GDNF: variants seen among roughly 807,000 people sequenced by gnomAD.
GDNF encodes the protein glial cell line-derived neurotrophic factor.
GDNF carries 5 observed loss-of-function variants against 13.7 expected under a neutral mutation model. That is an observed-to-expected ratio of 0.36 (90% CI 0.19 to 0.77). GDNF has a LOEUF of 0.77. Ranked by LOEUF, GDNF falls within the 30% of genes least tolerant of loss-of-function variation. The probability of loss-of-function intolerance (pLI) is 0.51; values close to 1 mark genes in which losing one functional copy is unlikely to be tolerated. For synonymous variants in GDNF, 122 were observed against 112.5 expected, an observed-to-expected ratio of 1.08 and a Z score of -0.53; for missense variants, 246 against 274.3, an observed-to-expected ratio of 0.90 and a Z score of 0.73.
At chr5:37,823,134 T>A (rs1750197830) in intron 2 of GDNF, 1 of 152,180 alleles carries the variant, frequency 6.6e-6, no homozygotes, top group South Asian at 2.1e-4. Context: ...GAATACTATC[T>A]CCATTTTACA....
chr5:37,821,147 G>A (rs1362447306), intron 2 of GDNF, among the ~76,000 whole-genome samples: 1 of 152,136 alleles, frequency 6.6e-6, no homozygotes, highest in African/African-American at 2.4e-5. Context: ...AGGATGCTGG[G>A]CAGCCTCACT....
chr5:37,818,264 C>T (rs947766257), intron 2 of GDNF, among the ~76,000 whole-genome samples: 5 of 152,182 alleles, frequency 3.3e-5, no homozygotes, highest in Admixed American at 1.3e-4. Context: ...CTGCCATAAT[C>T]CCCACATGTT....
chr5:37,819,976 C>T (rs1044468127), intron 2 of GDNF, among the ~76,000 whole-genome samples: 1 of 151,850 alleles, frequency 6.6e-6, no homozygotes, highest in African/African-American at 2.4e-5. Flanking sequence ...CAAAAAAAAA[C>T]ATGCTTGTAT....
rs907132920 is a variant in GDNF at position 37,837,637 on chromosome 5, A to C, written c.-27+1870T>G. Among the ~76,000 whole-genome samples the C allele has an allele frequency of 2.0e-5, 3 of 152,112 alleles. No individual in the cohort carries two copies. Among genetic ancestry groups the C allele is most frequent in the Non-Finnish European group, 4.4e-5 (3 of 68,018 alleles). ...GCTGTGTTATCATTTTAGTTATAAAACCGGAGAACCACCACTCCCTCTACG... is the reference window on the plus strand; with the variant it reads ...GCTGTGTTATCATTTTAGTTATAAACCCGGAGAACCACCACTCCCTCTACG... On this transcript the variant is annotated intron_variant, in intron 1 of 2. Coordinates refer to ENST00000326524, the MANE Select transcript of GDNF (RefSeq NM_000514.4). The surrounding 1 kb of genome is among the most constrained non-coding windows in gnomAD (Gnocchi z 6.5).
intron 2 of GDNF, among the ~76,000 whole-genome samples, chr5:37,832,679 C>T (rs1320495828): frequency 6.6e-5 from 10 of 152,200 alleles, no homozygotes; most frequent in South Asian, 2.1e-4. Flanking sequence ...TGTGTTAACT[C>T]GCTTGCTTTG....
rs367893758 is a variant in GDNF, at chr5:37,815,728, C to T, written c.559G>A (p.Asp187Asn). 6.2e-7 allele frequency: 1 copy of T among 1,613,876 alleles called. No homozygotes were observed. Among genetic ancestry groups the T allele is most frequent in the Non-Finnish European group, 8.5e-7 (1 of 1,179,740 alleles). The change falls in exon 3 of 3, where the codon GAC becomes AAC. Residue 187 changes from aspartate (D) to asparagine (N), a missense_variant. By Grantham distance (23) the Asp-to-Asn change is conservative (BLOSUM62 1). Coordinates refer to ENST00000326524, the MANE Select transcript of GDNF (RefSeq NM_000514.4). The surrounding 1 kb of genome is among the most constrained non-coding windows in gnomAD (Gnocchi z 5.0). ...ACCRPIAFDD[D>N]LSFLDDNLVY... The stretch of plus-strand genomic sequence containing the variant: ...AGGTTATCATCTAAAAACGACAGGT[C>T]ATCATCAAAGGCGATGGGTCTGCAA...
chr5:37,819,455 T>TG (rs1406218537), intron 2 of GDNF, among the ~76,000 whole-genome samples: 3 of 148,992 alleles, frequency 2.0e-5, no homozygotes, highest in Non-Finnish European at 3.0e-5. Flanking sequence ...TTTTTTTTTT[T>TG]TTTTTTTTGT....
At position 37,813,611 on chromosome 5, in the gene GDNF, G is replaced by A. The variant is rs1749804007; in HGVS notation, c.*2040C>T. On this transcript the variant is annotated 3_prime_UTR_variant, in exon 3 of 3. Transcript: ENST00000326524. ...GACAGGGTACCGCACTGTCACTTAGGCTGGAGTGCAGTGGCATGATCACAG... is the reference window on the plus strand; with the variant it reads ...GACAGGGTACCGCACTGTCACTTAGACTGGAGTGCAGTGGCATGATCACAG... 7.4e-6 allele frequency: 1 copy of A among 135,442 alleles called. No homozygotes were observed. Among genetic ancestry groups the A allele is most frequent in the Non-Finnish European group, 1.5e-5 (1 of 65,912 alleles). 8.4% of individuals were successfully genotyped at this position (135,442 alleles called of 1,614,324 possible). A position where few individuals can be genotyped will look rare whatever the true frequency, so the allele number is the denominator to read the frequency against.
In GDNF at chr5:37,813,594, A is replaced by T; in HGVS notation, c.*2057T>A. ...TTTTTTTTTTTTTTTGAGACAGGGT[A>T]CCGCACTGTCACTTAGGCTGGAGTG... On this transcript the variant is annotated 3_prime_UTR_variant, in exon 3 of 3. Transcript: ENST00000326524. The T allele has an allele frequency of 9.3e-6, 1 of 106,984 alleles. No individual in the cohort carries two copies. The allele number at this position is 106,984 out of a possible 1,614,324, so 6.6% of individuals were successfully genotyped here.
Position 37,815,583 on chromosome 5 carries a change from T to G in GDNF, c.*68A>C. 6.8e-7 allele frequency: 1 copy of G among 1,478,434 alleles called. No homozygotes were observed. Among genetic ancestry groups the G allele is most frequent in the Admixed American group, 1.7e-5 (1 of 59,558 alleles). 91.6% of individuals were successfully genotyped at this position (1,478,434 alleles called of 1,614,324 possible). ...TCTTCCATTCTGGGCAAACATTTCC[T>G]GGGAACCTTGGTCCCTTTCTTTGCA... On this transcript the variant is annotated 3_prime_UTR_variant, in exon 3 of 3. Coordinates refer to ENST00000326524, the MANE Select transcript of GDNF (RefSeq NM_000514.4). This position sits in a 1 kb window ranked among gnomAD's most constrained non-coding sequence, Gnocchi z 5.0.
intron 2 of GDNF, chr5:37,824,632 A>T (rs1750243992): frequency 1.3e-5 from 2 of 152,324 alleles, no homozygotes; most frequent in Admixed American, 6.5e-5. Flanking sequence ...ACTACTTTTT[A>T]AAAAAGGCCC....
chr5:37,818,180 T>C (rs773412996), intron 2 of GDNF, among the ~76,000 whole-genome samples: 38 of 152,212 alleles, frequency 2.5e-4, no homozygotes, highest in Non-Finnish European at 4.7e-4. Flanking sequence ...TTTGGCAGCA[T>C]CCCTGGCTTC....
chr5:37,827,338 T>C (rs1561132434), intron 2 of GDNF, among the ~76,000 whole-genome samples: 2 of 152,242 alleles, frequency 1.3e-5, no homozygotes, highest in African/African-American at 4.8e-5. Flanking sequence ...ATTGTGGCTA[T>C]ATAAGACATT....
chr5:37,819,151 G>C (rs17326972), intron 2 of GDNF, among the ~76,000 whole-genome samples: 6,505 of 152,252 alleles, frequency 0.043, 143 homozygotes, highest in Non-Finnish European at 0.052. Flanking sequence ...GGCGGAAAGA[G>C]AGTTCTTAAT....
In GDNF at chr5:37,838,579, C is replaced by A. The variant is rs1486014132; in HGVS notation, c.-27+928G>T. On this transcript the variant is annotated intron_variant, in intron 1 of 2. Coordinates refer to ENST00000326524, the MANE Select transcript of GDNF (RefSeq NM_000514.4). This position sits in a 1 kb window ranked among gnomAD's most constrained non-coding sequence, Gnocchi z 4.1. ...GCCCCCCGGGGGCGCGCACATGGGT[C>A]CTGGCGGCGGATTCTACCAAAGCCG... Among the ~76,000 whole-genome samples, 1 of 152,212 alleles carries A rather than the reference C, an allele frequency of 6.6e-6. No individual in the cohort carries two copies. Among genetic ancestry groups the A allele is most frequent in the African/African-American group, 2.4e-5 (1 of 41,466 alleles).
chr5:37,831,689 G>T (rs930039771), intron 2 of GDNF, among the ~76,000 whole-genome samples: 1 of 152,164 alleles, frequency 6.6e-6, no homozygotes, highest in African/African-American at 2.4e-5. Flanking sequence ...AAGTTGCTTT[G>T]CCTCTTTAGG....
At chr5:37,827,740 T>C (rs1750378345) in intron 2 of GDNF, among the ~76,000 whole-genome samples, 1 of 152,224 alleles carries the variant, frequency 6.6e-6, no homozygotes, top group African/African-American at 2.4e-5. Flanking sequence ...AAAAAGCCAA[T>C]TGATTTGGGC....
intron 2 of GDNF, among the ~76,000 whole-genome samples, chr5:37,827,516 C>T (rs1384042310): frequency 3.9e-5 from 6 of 152,170 alleles, no homozygotes; most frequent in Non-Finnish European, 2.9e-5. Flanking sequence ...AGGGAGATAA[C>T]TTTGTGAATA....
chr5:37,835,466 G>T, intron 1 of GDNF: 1 of 1,458,782 alleles, frequency 6.9e-7, no homozygotes. Flanking sequence ...AAGTTAGCAG[G>T]GACTTGGAGA....
Sources: gnomAD v4.1 joint callset for allele counts (sites outside exome capture counted in the v4.1 genomes callset) on GRCh38, gnomAD v4.1.1 for gene constraint, Gnocchi (gnomAD v3.1) non-coding constraint, MANE v1.5 for transcripts, NCBI Gene and HGNC (gene_info 2026-07-23, HGNC 2026-07-21) for gene names.